Variants in CPVL observed in about 807,000 individuals in gnomAD.
CPVL encodes probable serine carboxypeptidase CPVL.
A neutral mutation model predicts 63.7 loss-of-function variants in CPVL; 51 were observed. The observed-to-expected ratio is 0.80, with a 90% CI of 0.64 to 1.01. The LOEUF is 1.01. CPVL is among the 50% of genes least tolerant of loss of function. CPVL has a pLI of 0.00. For synonymous variants in CPVL, 195 were observed against 206.0 expected (o/e 0.95, Z 0.46); for missense variants, 530 against 573.1 (o/e 0.92, Z 0.77).
chr7:29,011,568 C>T (rs1785836474), intron 12 of CPVL: 2 of 152,194 alleles, frequency 1.3e-5, no homozygotes, highest in African/African-American at 2.4e-5. Context: ...GGGCAAGTCC[C>T]TGCCTTAAAA....
chr7:29,078,202 A>G (rs1784400370), intron 7 of CPVL, among the ~76,000 whole-genome samples: 1 of 152,260 alleles, frequency 6.6e-6, no homozygotes, highest in Non-Finnish European at 1.5e-5. Context: ...ATCTACAGGC[A>G]TAGACATATA....
At chr7:29,149,573 A>G (rs1258474896), upstream of CPVL, among the ~76,000 whole-genome samples, 1 of 152,202 alleles carries the variant, frequency 6.6e-6, no homozygotes, top group Non-Finnish European at 1.5e-5. Context: ...GGACAGGAGT[A>G]TGTGCTTTCC....
intron 12 of CPVL, among the ~76,000 whole-genome samples, chr7:29,020,676 A>C (rs1316962496): frequency 8.0e-6 from 1 of 125,722 alleles, no homozygotes; most frequent in Non-Finnish European, 1.9e-5. Context: ...GTTTTTAAAA[A>C]AACAATAGTC....
At chr7:28,994,867 G>A (rs559363216), downstream of CPVL, among the ~76,000 whole-genome samples, 6 of 152,344 alleles carry the variant, frequency 3.9e-5, no homozygotes, top group Non-Finnish European at 7.3e-5. Context: ...AAATCCACAC[G>A]TCTTGTAGAA....
At chr7:29,096,858 G>A (rs1352667157) in intron 3 of CPVL, among the ~76,000 whole-genome samples, 2 of 152,062 alleles carry the variant, frequency 1.3e-5, no homozygotes, top group Admixed American at 1.3e-4. Flanking sequence ...GGTGGCACAT[G>A]CCTGTAATCC....
chr7:29,008,050 A>G (rs924117969), intron 12 of CPVL, among the ~76,000 whole-genome samples: 5 of 152,152 alleles, frequency 3.3e-5, no homozygotes, highest in African/African-American at 1.2e-4. Flanking sequence ...AATGTGGGGA[A>G]AGATCAAGCA....
At chr7:29,110,590 A>C (rs1221712960) in intron 3 of CPVL, among the ~76,000 whole-genome samples, 1 of 152,246 alleles carries the variant, frequency 6.6e-6, no homozygotes, top group Non-Finnish European at 1.5e-5. Context: ...ATAACATGTG[A>C]GAATCCCTGA....
At chr7:29,123,845 C>A (rs1168366315) in intron 1 of CPVL, among the ~76,000 whole-genome samples, 1 of 150,934 alleles carries the variant, frequency 6.6e-6, no homozygotes, top group Non-Finnish European at 1.5e-5. Context: ...ACAGCACTTC[C>A]CTTGTAAGCA....
chr7:29,186,254 A>C (rs186648415), intron 2 of CPVL, among the ~76,000 whole-genome samples: 5 of 117,054 alleles, frequency 4.3e-5, no homozygotes, highest in African/African-American at 1.4e-4. Flanking sequence ...TGTTTTAGGC[A>C]AAAAAAAAAT....
chr7:29,019,389 T>C (rs976423510), intron 12 of CPVL, among the ~76,000 whole-genome samples: 1 of 152,180 alleles, frequency 6.6e-6, no homozygotes, highest in Non-Finnish European at 1.5e-5. Context: ...CACTTGCTCT[T>C]CATCGGATCT....
intron 12 of CPVL, among the ~76,000 whole-genome samples, chr7:28,999,625 C>T (rs76335499): frequency 0.069 from 10,443 of 152,214 alleles, 436 homozygotes; most frequent in Middle Eastern, 0.11. Flanking sequence ...GGTGAAGGAG[C>T]GCTGAAGGGG....
chr7:28,994,909 C>T (rs963103932), downstream of CPVL, among the ~76,000 whole-genome samples: 5 of 152,108 alleles, frequency 3.3e-5, no homozygotes, highest in African/African-American at 9.7e-5. Flanking sequence ...ATGCATAAAT[C>T]GAAAAGATGT....
intron 7 of CPVL, among the ~76,000 whole-genome samples, chr7:29,073,603 C>T (rs1357207802): frequency 6.6e-6 from 1 of 152,174 alleles, no homozygotes; most frequent in Non-Finnish European, 1.5e-5. Context: ...CCAGCCATTC[C>T]CTCCACCTGG....
intron 12 of CPVL, among the ~76,000 whole-genome samples, chr7:29,024,242 T>G (rs1787278654): frequency 6.6e-6 from 1 of 152,166 alleles, no homozygotes; most frequent in South Asian, 2.1e-4. Context: ...TCAAGCAGAA[T>G]ACTTTTTGAA....
intron 5 of CPVL, among the ~76,000 whole-genome samples, chr7:29,169,581 C>T (rs1211871312): frequency 1.3e-5 from 2 of 152,136 alleles, no homozygotes; most frequent in Non-Finnish European, 2.9e-5. Flanking sequence ...TGAAGAGTAA[C>T]TGAAAAGACC....
intron 12 of CPVL, among the ~76,000 whole-genome samples, chr7:29,021,073 G>A (rs923774954): frequency 3.9e-5 from 6 of 152,080 alleles, no homozygotes; most frequent in African/African-American, 1.4e-4. Context: ...AGCTACTTGG[G>A]AGGCTGAGAT....
chr7:29,053,736 G>A (rs1790426903), intron 11 of CPVL, among the ~76,000 whole-genome samples: 1 of 151,986 alleles, frequency 6.6e-6, no homozygotes, highest in Non-Finnish European at 1.5e-5. Flanking sequence ...GAATTCTGTG[G>A]TATGTAAATT....
At chr7:29,069,814 G>A (rs886566852) in intron 9 of CPVL, among the ~76,000 whole-genome samples, 2 of 131,290 alleles carry the variant, frequency 1.5e-5, no homozygotes, top group African/African-American at 2.8e-5. Flanking sequence ...GTGTGTGTGT[G>A]TGTGTGTGTG....
rs117568177 is a variant in CPVL at position 29,007,693 on chromosome 7, C to T, written c.1321-11811G>A. 2.6e-4 allele frequency among the ~76,000 whole-genome samples: 40 copies of T among 152,224 alleles called. 1 individual carries two copies. The East Asian group carries it at 7.5e-3, about 29-fold the overall frequency. On this transcript the variant is annotated intron_variant, in intron 12 of 12. Transcript: ENST00000265394. ...CATGTCTACTCTGTTTCCTCCAAGA[C>T]ACTTTGGTGTGTACAACTGGTGAAC...
Sources: gnomAD v4.1 joint callset for allele counts (sites outside exome capture counted in the v4.1 genomes callset) on GRCh38, gnomAD v4.1.1 for gene constraint, MANE v1.5 for transcripts, NCBI Gene and HGNC (gene_info 2026-07-23, HGNC 2026-07-21) for gene names.